Variants in TMEM229B observed in about 807,000 individuals in gnomAD.
The protein encoded by TMEM229B is transmembrane protein 229B.
In TMEM229B, 6 loss-of-function variants were observed where a neutral mutation model predicts 13.7. The observed-to-expected ratio is 0.44, with a 90% CI of 0.24 to 0.86. The LOEUF is 0.86. Among genes scored for constraint, TMEM229B ranks in the 40% least tolerant of loss-of-function variants. The pLI is 0.23. For synonymous variants in TMEM229B, 107 were observed against 102.1 expected (o/e 1.05, Z -0.29); for missense variants, 170 against 236.0 (o/e 0.72, Z 1.83).
At chr14:67,490,726 C>T (rs1413265353), upstream of TMEM229B, among the ~76,000 whole-genome samples, 1 of 152,174 alleles carries the variant, frequency 6.6e-6, no homozygotes, top group Non-Finnish European at 1.5e-5. Flanking sequence ...GGCCTGGAAC[C>T]TAACACTGGA....
upstream of TMEM229B, among the ~76,000 whole-genome samples, chr14:67,515,726 T>C (rs2033186265): frequency 6.6e-6 from 1 of 152,194 alleles, no homozygotes; most frequent in South Asian, 2.1e-4. Context: ...AGCTTGTAGT[T>C]GTGGGGACCA....
At chr14:67,476,188 C>T (rs2031181829) in intron 2 of TMEM229B, among the ~76,000 whole-genome samples, 2 of 152,262 alleles carry the variant, frequency 1.3e-5, no homozygotes, top group African/African-American at 4.8e-5. Flanking sequence ...TCCAGCCTCA[C>T]ATTTCAGCTG....
intron 2 of TMEM229B, among the ~76,000 whole-genome samples, chr14:67,480,761 A>C (rs966384345): frequency 2.1e-5 from 3 of 144,318 alleles, no homozygotes; most frequent in Admixed American, 6.8e-5. Flanking sequence ...TGTGGATCTC[A>C]TTACTCAGGC....
intron 2 of TMEM229B, among the ~76,000 whole-genome samples, chr14:67,484,441 C>T (rs1408433133): frequency 6.6e-6 from 1 of 152,190 alleles, no homozygotes; most frequent in Non-Finnish European, 1.5e-5. Flanking sequence ...TTAATTCTAG[C>T]ATTTAATTTT....
chr14:67,497,646 C>T (rs2032445065), intron 1 of TMEM229B, among the ~76,000 whole-genome samples: 1 of 152,172 alleles, frequency 6.6e-6, no homozygotes, highest in South Asian at 2.1e-4. Flanking sequence ...GCGGTTTTTG[C>T]ACGATTTTAA....
At chr14:67,528,626 G>C (rs1398348599) in intron 1 of TMEM229B, among the ~76,000 whole-genome samples, 1 of 152,146 alleles carries the variant, frequency 6.6e-6, no homozygotes. Flanking sequence ...AGCTCCACCA[G>C]CTCCCAACTC....
At chr14:67,512,690 T>C (rs537549585) in intron 1 of TMEM229B, among the ~76,000 whole-genome samples, 55 of 152,258 alleles carry the variant, frequency 3.6e-4, no homozygotes, top group African/African-American at 1.3e-3. Context: ...AGGTCTTTCC[T>C]TATGACATCA....
At chr14:67,527,692 A>T (rs1001633372) in intron 1 of TMEM229B, among the ~76,000 whole-genome samples, 4 of 152,146 alleles carry the variant, frequency 2.6e-5, no homozygotes, top group Non-Finnish European at 5.9e-5. Context: ...CCCCAGCATG[A>T]CCCTGGTGAA....
chr14:67,502,664 C>T (rs932359670), intron 1 of TMEM229B, among the ~76,000 whole-genome samples: 14 of 151,912 alleles, frequency 9.2e-5, no homozygotes, highest in Admixed American at 7.9e-4. Flanking sequence ...GTTGGTCAGG[C>T]TGGTCTCAAA....
intron 2 of TMEM229B, among the ~76,000 whole-genome samples, chr14:67,478,796 C>T (rs1222096489): frequency 6.6e-6 from 1 of 152,140 alleles, no homozygotes; most frequent in East Asian, 1.9e-4. Context: ...GTTGTCTTCC[C>T]ACTTCTGCAC....
chr14:67,475,046 G>A (rs139878897), intron 2 of TMEM229B, among the ~76,000 whole-genome samples: 1 of 151,464 alleles, frequency 6.6e-6, no homozygotes, highest in Non-Finnish European at 1.5e-5. Flanking sequence ...CTCCTGAGTA[G>A]CTGGGACTAC....
intron 1 of TMEM229B, among the ~76,000 whole-genome samples, chr14:67,505,631 C>T (rs976112084): frequency 6.6e-6 from 1 of 151,868 alleles, no homozygotes; most frequent in South Asian, 2.1e-4. Context: ...AGGACCTTAG[C>T]TGAAAGAGGC....
At chr14:67,505,677 G>C (rs1052800999) in intron 1 of TMEM229B, among the ~76,000 whole-genome samples, 5 of 151,868 alleles carry the variant, frequency 3.3e-5, no homozygotes, top group Non-Finnish European at 7.4e-5. Context: ...GGCTGAGGAA[G>C]GAGCAATGAT....
At chr14:67,487,585 GT>G (rs920808155) in intron 1 of TMEM229B, among the ~76,000 whole-genome samples, 3 of 152,148 alleles carry the variant, frequency 2.0e-5, no homozygotes, top group African/African-American at 7.2e-5. Context: ...TAGGACATTC[GT>G]TTCAGCACTT....
chr14:67,474,259 A>C (rs2031019435), intron 2 of TMEM229B, among the ~76,000 whole-genome samples: 1 of 109,344 alleles, frequency 9.1e-6, no homozygotes, highest in Non-Finnish European at 1.9e-5. Context: ...CTCCAAAAAA[A>C]CAAAACAAAA....
At chr14:67,509,438 C>T (rs2032952265) in intron 1 of TMEM229B, among the ~76,000 whole-genome samples, 1 of 152,172 alleles carries the variant, frequency 6.6e-6, no homozygotes, top group Admixed American at 6.5e-5. Flanking sequence ...CCTGCCTCAG[C>T]CTCCCAAGTA....
intron 2 of TMEM229B, among the ~76,000 whole-genome samples, chr14:67,483,151 T>A (rs1005624815): frequency 1.2e-4 from 19 of 152,078 alleles, no homozygotes; most frequent in African/African-American, 3.9e-4. Flanking sequence ...GCTGGGATTA[T>A]AGGTTCCTGC....
chr14:67,483,497 C>T (rs2031707082), intron 2 of TMEM229B, among the ~76,000 whole-genome samples: 1 of 152,162 alleles, frequency 6.6e-6, no homozygotes, highest in Non-Finnish European at 1.5e-5. Context: ...GGAGAGACAA[C>T]AGGAAGCAAG....
At chr14:67,500,343 G>T (rs538368916) in intron 1 of TMEM229B, among the ~76,000 whole-genome samples, 1 of 151,668 alleles carries the variant, frequency 6.6e-6, no homozygotes, top group Non-Finnish European at 1.5e-5. Flanking sequence ...GCATGGTGGC[G>T]GGCGCCTGTA....
Sources: allele counts gnomAD v4.1 joint callset (sites outside exome capture counted in the v4.1 genomes callset), GRCh38; gene constraint gnomAD v4.1.1; transcripts MANE v1.5; gene names NCBI Gene and HGNC (gene_info 2026-07-23, HGNC 2026-07-21).